Variants in LARGE1 observed in about 807,000 individuals in gnomAD.
The protein encoded by LARGE1 is LARGE xylosyl- and glucuronyltransferase 1.
LARGE1 carries 43 observed loss-of-function variants against 87.6 expected under a neutral mutation model. That is an observed-to-expected ratio of 0.49 (90% confidence interval 0.38 to 0.63). The LOEUF is 0.63. Ranked by LOEUF, LARGE1 falls within the 30% of genes least tolerant of loss-of-function variation. The pLI, the probability that LARGE1 is intolerant of heterozygous loss-of-function variation, is 0.00. For missense variants in LARGE1, 802 were observed against 1,000.2 expected, an observed-to-expected ratio of 0.80 and a Z score of 2.67; for synonymous variants, 434 against 394.6, an observed-to-expected ratio of 1.10 and a Z score of -1.18.
chr22:33,101,704 C>T, the LARGE1 span, among the ~76,000 whole-genome samples: 5 of 152,248 alleles, frequency 3.3e-5, no homozygotes, highest in East Asian at 7.7e-4. Flanking sequence ...TACCTTGCTG[C>T]TTGGTGCTTC....
intron 2 of LARGE1, among the ~76,000 whole-genome samples, chr22:33,692,917 C>T (rs566408078): frequency 7.9e-5 from 12 of 152,044 alleles, no homozygotes; most frequent in Non-Finnish European, 1.3e-4. Flanking sequence ...AAAGAATAGA[C>T]ATCATTCTAT....
intron 3 of LARGE1, among the ~76,000 whole-genome samples, chr22:33,642,710 CAAAAAAAAAAA>C (rs60815644): frequency 4.0e-4 from 7 of 17,344 alleles, no homozygotes; most frequent in South Asian, 8.8e-3. Flanking sequence ...AAATGGAAAG[CAAAAAAAAAAA>C]AAAAAAAAAA....
At chr22:33,413,524 G>A (rs2066384648) in intron 7 of LARGE1, among the ~76,000 whole-genome samples, 1 of 151,834 alleles carries the variant, frequency 6.6e-6, no homozygotes, top group Non-Finnish European at 1.5e-5. Flanking sequence ...GAGTGCAGTG[G>A]CGAGATCTTG....
At chr22:33,113,153 T>C in the LARGE1 span, among the ~76,000 whole-genome samples, 5 of 152,068 alleles carry the variant, frequency 3.3e-5, no homozygotes, top group Admixed American at 6.6e-5. Flanking sequence ...GCACCAACTA[T>C]ATGGCAGGAA....
intron 5 of LARGE1, among the ~76,000 whole-genome samples, chr22:33,582,613 A>C (rs1347526401): frequency 6.6e-6 from 1 of 152,206 alleles, no homozygotes; most frequent in Non-Finnish European, 1.5e-5. Context: ...TCTCTCAACA[A>C]GAGGGATTAC....
chr22:33,457,729 C>T (rs2068198101), intron 6 of LARGE1, among the ~76,000 whole-genome samples: 1 of 152,052 alleles, frequency 6.6e-6, no homozygotes. Context: ...CAAAGCCTTA[C>T]AAGGGAGGCA....
chr22:33,433,087 CAGA>C (rs1440068138), intron 6 of LARGE1, among the ~76,000 whole-genome samples: 2 of 152,116 alleles, frequency 1.3e-5, no homozygotes, highest in African/African-American at 4.8e-5. Context: ...CTCCATCATG[CAGA>C]AGGCCTTCTC....
At chr22:33,476,172 G>T (rs1040396047) in intron 6 of LARGE1, among the ~76,000 whole-genome samples, 1 of 152,222 alleles carries the variant, frequency 6.6e-6, no homozygotes, top group Non-Finnish European at 1.5e-5. Context: ...CTGATTAGCT[G>T]ATCTTCACAG....
intron 9 of LARGE1, among the ~76,000 whole-genome samples, chr22:33,379,880 CT>C (rs2065104690): frequency 6.6e-6 from 1 of 152,034 alleles, no homozygotes. Context: ...ACAATAAAAG[CT>C]GTTCTTATCA....
intron 1 of LARGE1, among the ~76,000 whole-genome samples, chr22:33,805,669 G>A (rs943026479): frequency 2.0e-5 from 3 of 151,978 alleles, no homozygotes; most frequent in Admixed American, 6.6e-5. Context: ...GGGAGGCAGA[G>A]GTTGCCATGA....
At chr22:33,128,680 CAAAAAAA>C in the LARGE1 span, among the ~76,000 whole-genome samples, 3 of 110,318 alleles carry the variant, frequency 2.7e-5, no homozygotes, top group Non-Finnish European at 3.7e-5. Context: ...GTCTCAAAAA[CAAAAAAA>C]AAAAAAAAAA....
chr22:33,273,940 C>T lies in LARGE1; in HGVS notation c.*487G>A, dbSNP rs1039345549. On this transcript the variant is annotated 3_prime_UTR_variant, in exon 15 of 15. Transcript: ENST00000397394. ...TGGTTTAGATCATCGGTTTGCCCTCCGTTTGAATGCCCAGCTACATTGCAG... is the reference window on the plus strand; with the variant it reads ...TGGTTTAGATCATCGGTTTGCCCTCTGTTTGAATGCCCAGCTACATTGCAG... 8.7e-6 allele frequency: 3 copies of T among 343,260 alleles called. No homozygotes were observed. The highest frequency in any genetic ancestry group is 2.1e-5 in the African/African-American group (1 of 47,512). The allele number at this position is 343,260 out of a possible 1,614,324, so 21.3% of individuals were successfully genotyped here.
the LARGE1 span, among the ~76,000 whole-genome samples, chr22:33,127,891 T>C: frequency 2.6e-5 from 4 of 152,202 alleles, no homozygotes; most frequent in Non-Finnish European, 5.9e-5. Context: ...TGAAATTTGT[T>C]GAGTTTCTTG....
At position 33,286,551 on chromosome 22, in the gene LARGE1, G is replaced by A. The variant is rs552989150; in HGVS notation, c.1731-3203C>T. 5.8e-4 allele frequency among the ~76,000 whole-genome samples: 88 copies of A among 152,126 alleles called. 1 individual carries two copies. The highest frequency in any genetic ancestry group is 1.1e-3 in the Admixed American group (17 of 15,268). On this transcript the variant is annotated intron_variant, in intron 12 of 14. Transcript: ENST00000397394. Reference sequence around the variant, plus strand: ...AAAAGAACAAGCAAAGTCTCTGCCCGCATGGTGCTTACATTCATATAAACG... The same window carrying A: ...AAAAGAACAAGCAAAGTCTCTGCCCACATGGTGCTTACATTCATATAAACG...
chr22:33,558,375 C>T (rs549280164), intron 6 of LARGE1, among the ~76,000 whole-genome samples: 14 of 152,216 alleles, frequency 9.2e-5, no homozygotes, highest in African/African-American at 3.4e-4. Flanking sequence ...AATGGGACAA[C>T]ACCAAACTTA....
chr22:33,544,772 A>T (rs2077308562), intron 6 of LARGE1, among the ~76,000 whole-genome samples: 1 of 152,136 alleles, frequency 6.6e-6, no homozygotes, highest in Admixed American at 6.5e-5. Flanking sequence ...ACTAGTTCTG[A>T]TTGGTTCAGC....
chr22:33,464,850 T>TAC (rs1300770992), intron 6 of LARGE1, among the ~76,000 whole-genome samples: 1 of 148,020 alleles, frequency 6.8e-6, no homozygotes, highest in African/African-American at 2.6e-5. Flanking sequence ...CACGCACACA[T>TAC]ACACACACAC....
At chr22:33,091,927 TCTCA>T in the LARGE1 span, among the ~76,000 whole-genome samples, 2 of 152,232 alleles carry the variant, frequency 1.3e-5, no homozygotes, top group South Asian at 4.1e-4. Context: ...TGAGATGGAG[TCTCA>T]CTCTGTCACC....
the LARGE1 span, among the ~76,000 whole-genome samples, chr22:33,095,197 C>T: frequency 5.3e-5 from 8 of 152,196 alleles, no homozygotes; most frequent in African/African-American, 2.4e-5. Context: ...TATTTATTCT[C>T]TCACAGTTCT....
Sources: gnomAD v4.1 joint callset for allele counts (sites outside exome capture counted in the v4.1 genomes callset) on GRCh38, gnomAD v4.1.1 for gene constraint, MANE v1.5 for transcripts, NCBI Gene and HGNC (gene_info 2026-07-23, HGNC 2026-07-21) for gene names.